The following GABRR3 variants were observed in gnomAD, a reference collection of about 807,000 sequenced individuals.
GABRR3 encodes the protein gamma-aminobutyric acid receptor subunit rho-3.
A neutral mutation model predicts 43.2 loss-of-function variants in GABRR3; 29 were observed. That is an observed-to-expected ratio of 0.67 (90% CI 0.50 to 0.92). The LOEUF (loss-of-function observed/expected upper bound fraction) is 0.92. Ranked by LOEUF, GABRR3 falls within the 40% of genes least tolerant of loss-of-function variation. The pLI is 0.00. For synonymous variants in GABRR3, 206 were observed against 195.9 expected, an observed-to-expected ratio of 1.05 and a Z score of -0.43; for missense variants, 576 against 572.3, an observed-to-expected ratio of 1.01 and a Z score of -0.07.
At chr3:98,032,270 T>A (rs1447775135) in intron 2 of GABRR3, among the ~76,000 whole-genome samples, 3 of 152,202 alleles carry the variant, frequency 2.0e-5, no homozygotes, top group African/African-American at 7.2e-5. Flanking sequence ...TTTAATTTAA[T>A]TGCAGGCTTA....
chr3:97,993,985 A>C (rs1576036040), intron 8 of GABRR3, among the ~76,000 whole-genome samples: 1 of 152,222 alleles, frequency 6.6e-6, no homozygotes, highest in South Asian at 2.1e-4. Flanking sequence ...TCTCAGAGGG[A>C]TATTGCCAGA....
chr3:98,032,933 A>C (rs1256172658), intron 2 of GABRR3, among the ~76,000 whole-genome samples: 1 of 152,208 alleles, frequency 6.6e-6, no homozygotes, highest in Non-Finnish European at 1.5e-5. Flanking sequence ...TGCTGGGCAA[A>C]GAACCTCACA....
chr3:97,995,150 T>C (rs1201209980), intron 8 of GABRR3, among the ~76,000 whole-genome samples: 1 of 152,110 alleles, frequency 6.6e-6, no homozygotes, highest in Non-Finnish European at 1.5e-5. Flanking sequence ...GCTAATTTTG[T>C]ATTTTTAGTA....
chr3:98,005,115 TA>T (rs931019483), intron 7 of GABRR3, among the ~76,000 whole-genome samples: 46 of 151,278 alleles, frequency 3.0e-4, no homozygotes, highest in African/African-American at 1.1e-3. Flanking sequence ...TCTCTGTCAT[TA>T]AAAAAAATGG....
At chr3:97,985,845 T>TTA (rs1382775588), downstream of GABRR3, among the ~76,000 whole-genome samples, 1 of 17,968 alleles carries the variant, frequency 5.6e-5, no homozygotes, top group African/African-American at 8.6e-5. Context: ...AAACAATATT[T>TTA]TATATATATA....
chr3:98,025,693 G>C lies in GABRR3; in HGVS notation c.126-14C>G, dbSNP rs760440076. 2 of 1,563,136 alleles carry C rather than the reference G, an allele frequency of 1.3e-6. No homozygotes were observed. Among genetic ancestry groups the C allele is most frequent in the Non-Finnish European group, 1.7e-6 (2 of 1,149,936 alleles). Reference sequence around the variant, plus strand: ...GTTTCTTGTTTGCTGTTCCCCCAAAGGGAAAAAAAAAACTTCTGAGATACA... The same window carrying C: ...GTTTCTTGTTTGCTGTTCCCCCAAACGGAAAAAAAAAACTTCTGAGATACA... On this transcript the variant is annotated splice_polypyrimidine_tract_variant and intron_variant, in intron 2 of 9. Transcript: ENST00000621172.
At chr3:98,023,420 C>T (rs1706975847) in intron 3 of GABRR3, among the ~76,000 whole-genome samples, 1 of 152,134 alleles carries the variant, frequency 6.6e-6, no homozygotes, top group African/African-American at 2.4e-5. Flanking sequence ...ACTGGCGCCC[C>T]CTGGTGGCCG....
chr3:98,018,358 G>T (rs572408074), intron 3 of GABRR3, among the ~76,000 whole-genome samples: 1 of 152,324 alleles, frequency 6.6e-6, no homozygotes, highest in Admixed American at 6.5e-5. Context: ...GGCTGCATTT[G>T]TGAAGAAGCA....
chr3:98,012,618 G>A, intron 4 of GABRR3, 51 bp from the exon 5 acceptor site: 1 of 1,285,144 alleles, frequency 7.8e-7, no homozygotes, highest in South Asian at 1.2e-5. Flanking sequence ...TATGGTTCAG[G>A]ATGACCACTC....
intron 3 of GABRR3, among the ~76,000 whole-genome samples, chr3:98,023,007 G>C (rs977722051): frequency 6.6e-6 from 1 of 152,150 alleles, no homozygotes; most frequent in Non-Finnish European, 1.5e-5. Flanking sequence ...TAAGATAAGA[G>C]AGGAGAGTTG....
chr3:98,023,050 CTG>C (rs1156885288), intron 3 of GABRR3, among the ~76,000 whole-genome samples: 1 of 151,992 alleles, frequency 6.6e-6, no homozygotes, highest in African/African-American at 2.4e-5. Flanking sequence ...GCTTCTCAAA[CTG>C]TAAGGTTTAG....
In GABRR3 at chr3:98,004,469, T is replaced by C. The variant is rs149496041; in HGVS notation, c.755-2702A>G. ...GCAGTCTGTTTCTACTACTTACACA[T>C]TCAGCCATTAGATTATGCTATGATA... On this transcript the variant is annotated intron_variant, in intron 7 of 9. Transcript: ENST00000621172. Among the ~76,000 whole-genome samples, 612 of 152,276 alleles carry C rather than the reference T, an allele frequency of 4.0e-3. 4 individuals are homozygous for C. The Middle Eastern group carries it at 0.041, about 10-fold the overall frequency.
intron 9 of GABRR3, among the ~76,000 whole-genome samples, chr3:97,988,854 G>C (rs1360664034): frequency 1.3e-5 from 2 of 150,072 alleles, no homozygotes; most frequent in Non-Finnish European, 3.0e-5. Context: ...AGTTGATGGT[G>C]AGTGGTGGGT....
Position 98,012,490 on chromosome 3 carries a change from GC to G in GABRR3, c.383del (p.Ser128ThrfsTer2). 6.2e-7 allele frequency: 1 copy of G among 1,613,968 alleles called. No individual in the cohort carries two copies. Among genetic ancestry groups the G allele is most frequent in the Non-Finnish European group, 8.5e-7 (1 of 1,179,854 alleles). On this transcript the variant is annotated frameshift_variant, in exon 5 of 10. Transcript: ENST00000621172. LOFTEE classifies it high-confidence loss of function. ...TGGTCAATCTATGATCAAATGTCAT[GC>G]TTTTGTTTGCTGTGCTAGGAAAGGA...
chr3:97,987,468 T>G (rs996190984), intron 9 of GABRR3, among the ~76,000 whole-genome samples: 90 of 152,362 alleles, frequency 5.9e-4, no homozygotes, highest in Middle Eastern at 3.4e-3. Flanking sequence ...TTTAGAGCAG[T>G]GTCTACAAAG....
intron 4 of GABRR3, among the ~76,000 whole-genome samples, chr3:98,012,919 C>T (rs1706821191): frequency 6.6e-6 from 1 of 152,074 alleles, no homozygotes; most frequent in South Asian, 2.1e-4. Context: ...TTTTATTGTC[C>T]ATTATTTTAT....
chr3:98,008,947 G>A lies in GABRR3; in HGVS notation c.613+9C>T. The A allele has an allele frequency of 1.9e-6, 3 of 1,571,368 alleles. No individual in the cohort carries two copies. The highest frequency in any genetic ancestry group is 2.6e-6 in the Non-Finnish European group (3 of 1,148,822). On this transcript the variant is annotated intron_variant, in intron 6 of 9. Transcript: ENST00000621172. ...ATGTGCACTCACTCCACCAGGAAGTGAGACTTACAGCTTTCCAGTTCAAGA... is the reference window on the plus strand; with the variant it reads ...ATGTGCACTCACTCCACCAGGAAGTAAGACTTACAGCTTTCCAGTTCAAGA...
At chr3:98,033,517 A>G (rs569224591) in intron 2 of GABRR3, among the ~76,000 whole-genome samples, 35 of 152,268 alleles carry the variant, frequency 2.3e-4, no homozygotes, top group Non-Finnish European at 4.0e-4. Context: ...CAACTCTGCC[A>G]CTGATAGTGG....
intron 9 of GABRR3, among the ~76,000 whole-genome samples, chr3:97,987,603 G>A (rs1706404734): frequency 6.6e-6 from 1 of 152,190 alleles, no homozygotes; most frequent in Non-Finnish European, 1.5e-5. Context: ...ATTGGAGGCT[G>A]CAGAATAAAT....
Sources: gnomAD v4.1 joint callset for allele counts (sites outside exome capture counted in the v4.1 genomes callset) on GRCh38, gnomAD v4.1.1 for gene constraint, MANE v1.5 for transcripts, NCBI Gene and HGNC (gene_info 2026-07-23, HGNC 2026-07-21) for gene names.